Variants in SCN1A observed in about 807,000 individuals in gnomAD.
The protein encoded by SCN1A is sodium voltage-gated channel alpha subunit 1.
SCN1A carries 13 observed loss-of-function variants against 193.7 expected under a neutral mutation model. The ratio of observed to expected loss-of-function variants is 0.07; its 90% confidence interval spans 0.04 to 0.11. The LOEUF (loss-of-function observed/expected upper bound fraction) is 0.11, where lower values mean the gene tolerates loss of function less well. SCN1A is among the 10% of genes least tolerant of loss of function. The pLI, the probability that SCN1A is intolerant of heterozygous loss-of-function variation, is 1.00. For synonymous variants in SCN1A, 781 were observed against 843.6 expected, an observed-to-expected ratio of 0.93 and a Z score of 1.29; for missense variants, 1,432 against 2,451.1, an observed-to-expected ratio of 0.58 and a Z score of 8.78.
intron 23 of SCN1A, among the ~76,000 whole-genome samples, chr2:166,006,979 C>T (rs1691753762): frequency 6.6e-6 from 1 of 151,142 alleles, no homozygotes; most frequent in Non-Finnish European, 1.5e-5. Flanking sequence ...ATACACATAA[C>T]TAAATCATAT....
rs1390697239 is a variant in SCN1A at position 166,073,547 on chromosome 2, A to G, written c.75T>C (p.Ile25=). 1.2e-6 allele frequency: 2 copies of G among 1,614,026 alleles called. No individual in the cohort carries two copies. The highest frequency in any genetic ancestry group is 1.3e-5 in the African/African-American group (1 of 74,926). Residue 25 remains isoleucine (I), a synonymous_variant, in exon 4 of 29, where the codon ATT becomes ATC. Transcript: ENST00000674923. ...NFFTRESLAA[I]ERRIAEEKAK... ...CCTTTTCTTCTGCAATGCGTCTTTC[A>G]ATAGCCGCAAGAGATTCTCTGGTGA...
chr2:166,025,286 T>A (rs1484955989), intron 19 of SCN1A, among the ~76,000 whole-genome samples: 1 of 152,162 alleles, frequency 6.6e-6, no homozygotes, highest in Non-Finnish European at 1.5e-5. Context: ...TCATTTCTCA[T>A]AATTATAAGA....
At chr2:166,015,937 T>C (rs1251163709) in intron 19 of SCN1A, 2 of 557,468 alleles carry the variant, frequency 3.6e-6, no homozygotes, top group African/African-American at 3.8e-5. Context: ...AAGCTTGAAA[T>C]CAGATTGCTA....
intron 16 of SCN1A, among the ~76,000 whole-genome samples, chr2:166,040,542 A>G (rs755799498): frequency 1.3e-5 from 2 of 152,188 alleles, no homozygotes; most frequent in Non-Finnish European, 2.9e-5. Context: ...TAAACTTCAA[A>G]CCAAATATTA....
At chr2:166,062,289 T>C (rs996695007) in intron 4 of SCN1A, among the ~76,000 whole-genome samples, 13 of 152,148 alleles carry the variant, frequency 8.5e-5, no homozygotes, top group African/African-American at 3.1e-4. Context: ...CAGACTTGTA[T>C]AGCAACCCAA....
chr2:166,069,270 G>C (rs1233828316), intron 4 of SCN1A, among the ~76,000 whole-genome samples: 1 of 152,114 alleles, frequency 6.6e-6, no homozygotes, highest in Non-Finnish European at 1.5e-5. Context: ...GAACTCTGAA[G>C]GCTTAAAACA....
intron 2 of SCN1A, among the ~76,000 whole-genome samples, chr2:166,081,972 A>AAT (rs960558349): frequency 1.3e-5 from 2 of 152,046 alleles, no homozygotes; most frequent in Non-Finnish European, 2.9e-5. Flanking sequence ...CACAGACAAG[A>AAT]ATATATATAG....
At chr2:166,035,887 G>C (rs564697797) in intron 19 of SCN1A, among the ~76,000 whole-genome samples, 161 bp downstream of exon 19, 2 of 151,882 alleles carry the variant, frequency 1.3e-5, no homozygotes, top group Admixed American at 1.3e-4. Context: ...TCAAAATTTA[G>C]AGCATGGTTT....
chr2:166,145,564 G>A (rs1322737535), intron 1 of SCN1A, among the ~76,000 whole-genome samples: 1 of 152,042 alleles, frequency 6.6e-6, no homozygotes, highest in Non-Finnish European at 1.5e-5. Flanking sequence ...ACATGCATGT[G>A]TGTGAGGCTT....
Position 166,046,757 on chromosome 2 carries a change from A to G in SCN1A, c.1377+13T>C, listed in dbSNP as rs1417368290. On this transcript the variant is annotated intron_variant, in intron 12 of 28. Coordinates refer to ENST00000674923, the MANE Select transcript of SCN1A (RefSeq NM_001165963.4). ...CGATAAAAGGTCAGTGCCATGAGAC[A>G]GGGCAGCTTTACCTGAGCTGCCTCC... The G allele has an allele frequency of 6.2e-6, 10 of 1,612,438 alleles. No homozygotes were observed. The highest frequency in any genetic ancestry group is 8.5e-6 in the Non-Finnish European group (10 of 1,178,572).
intron 23 of SCN1A, chr2:166,009,288 A>G (rs1461195): frequency 0.12 from 18,622 of 151,410 alleles, 1,346 homozygotes; most frequent in East Asian, 0.27. Flanking sequence ...TTTTTTTCTT[A>G]ACACTCATAC....
At position 165,991,310 on chromosome 2, in the gene SCN1A, C is replaced by G; in HGVS notation, c.5965G>C (p.Val1989Leu). 1 of 1,613,524 alleles carries G rather than the reference C, an allele frequency of 6.2e-7. No individual in the cohort carries two copies. The highest frequency in any genetic ancestry group is 8.5e-7 in the Non-Finnish European group (1 of 1,179,810). Reference sequence around the variant, plus strand: ...TGTTTTTCCACAATTGGCTTTGTCACCCGGTCATAGGAAGGTGGACAAGCT... The same window carrying G: ...TGTTTTTCCACAATTGGCTTTGTCAGCCGGTCATAGGAAGGTGGACAAGCT... ...TAACPPSYDR[V>L]TKPIVEKHEQ... The change falls in exon 29 of 29, where the codon GTG (valine) becomes CTG (leucine). Residue 1989 changes from valine (V) to leucine (L), a missense_variant. Transcript: ENST00000674923.
intron 2 of SCN1A, among the ~76,000 whole-genome samples, chr2:166,100,581 C>T (rs1687932320): frequency 6.6e-6 from 1 of 150,562 alleles, no homozygotes; most frequent in Admixed American, 6.6e-5. Context: ...AGGCAACCTA[C>T]AAAATGGGAG....
At position 166,054,774 on chromosome 2, in the gene SCN1A, C is replaced by T. The variant is rs1406600101; in HGVS notation, c.474-8G>A. The T allele has an allele frequency of 6.2e-7, 1 of 1,609,320 alleles. No individual in the cohort carries two copies. The highest frequency in any genetic ancestry group is 1.1e-5 in the South Asian group (1 of 90,888). On this transcript the variant is annotated splice_region_variant and splice_polypyrimidine_tract_variant and intron_variant, in intron 6 of 28. Coordinates refer to ENST00000674923, the MANE Select transcript of SCN1A (RefSeq NM_001165963.4). ...ATTCCTGTGAAGGTGTATCTGAAAA[C>T]AAGCATCCAAAAAATTTGATAAAGT...
intron 16 of SCN1A, 80 bp from the exon 17 acceptor site, chr2:166,039,676 T>C: frequency 8.1e-7 from 1 of 1,234,390 alleles, no homozygotes; most frequent in Non-Finnish European, 1.2e-6. Context: ...AACATAATGC[T>C]TATGCTATTT....
rs1684704155 is a variant in SCN1A at position 166,073,584 on chromosome 2, C to T, written c.38G>A (p.Ser13Asn). 6.2e-7 allele frequency: 1 copy of T among 1,614,030 alleles called. No homozygotes were observed. Among genetic ancestry groups the T allele is most frequent in the East Asian group, 2.2e-5 (1 of 44,890 alleles). The change falls in exon 4 of 29, where the codon AGC (serine) becomes AAC (asparagine). Residue 13 changes from serine to asparagine, a missense_variant. Ser to Asn is a conservative substitution (Grantham distance 46). Around this residue, in one of 18 missense-constraint regions of SCN1A, gnomAD observed 55 missense variants for 58.4 expected, o/e 0.94. Transcript: ENST00000674923. Reference sequence around the variant, plus strand: ...AGATTCTCTGGTGAAGAAGTTGAAGCTGTCAGGTCCTGGTGGTACAAGCAC... The same window carrying T: ...AGATTCTCTGGTGAAGAAGTTGAAGTTGTCAGGTCCTGGTGGTACAAGCAC... ...QTVLVPPGPDSFNFFTRESLA... is the reference protein window; with the variant it reads ...QTVLVPPGPDNFNFFTRESLA...
chr2:166,119,992 C>T (rs1348258679), intron 2 of SCN1A, among the ~76,000 whole-genome samples: 1 of 151,614 alleles, frequency 6.6e-6, no homozygotes, highest in Non-Finnish European at 1.5e-5. Context: ...AGAAACAATA[C>T]CAAAGCATTT....
chr2:166,011,952 T>C (rs1435366096), intron 22 of SCN1A, among the ~76,000 whole-genome samples, 157 bp downstream of exon 22: 1 of 151,354 alleles, frequency 6.6e-6, no homozygotes, highest in East Asian at 1.9e-4. Flanking sequence ...AAATTAGCCC[T>C]TGTCTTCCAG....
At chr2:166,123,765 T>A (rs1334748997) in intron 2 of SCN1A, among the ~76,000 whole-genome samples, 1 of 152,218 alleles carries the variant, frequency 6.6e-6, no homozygotes, top group African/African-American at 2.4e-5. Context: ...TTATTTGACA[T>A]AACTCTTTGA....
Sources: allele counts gnomAD v4.1 joint callset (sites outside exome capture counted in the v4.1 genomes callset), GRCh38; gene constraint gnomAD v4.1.1; regional missense constraint gnomAD v4.1.1; transcripts MANE v1.5; gene names NCBI Gene and HGNC (gene_info 2026-07-23, HGNC 2026-07-21).